The following MEGF6 variants were observed in gnomAD, a reference collection of about 807,000 sequenced individuals.
MEGF6 encodes the protein multiple epidermal growth factor-like domains protein 6.
Under a neutral mutation model 207.1 loss-of-function variants are expected in MEGF6, and 184 were observed. That is an observed-to-expected ratio of 0.89 (90% CI 0.79 to 1.00). The LOEUF is 1.00. Ranked by LOEUF, MEGF6 falls within the 50% of genes least tolerant of loss-of-function variation. MEGF6 has a pLI of 0.00. For missense variants in MEGF6, 2,282 were observed against 2,202.9 expected, an observed-to-expected ratio of 1.04 and a Z score of -0.72; for synonymous variants, 1,038 against 910.0, an observed-to-expected ratio of 1.14 and a Z score of -2.53.
At chr1:3,611,934 C>T (rs976212889), upstream of MEGF6, among the ~76,000 whole-genome samples, 4 of 152,140 alleles carry the variant, frequency 2.6e-5, no homozygotes, top group Admixed American at 2.6e-4. Context: ...TCCCGGACCC[C>T]AGACCTCGAT....
At chr1:3,563,126 C>G (rs140027435) in intron 4 of MEGF6, among the ~76,000 whole-genome samples, 3 of 152,180 alleles carry the variant, frequency 2.0e-5, no homozygotes, top group South Asian at 2.1e-4. Flanking sequence ...GCCCCTGCCC[C>G]CTGTGTGCAA....
chr1:3,493,086 C>G (rs1454189283), intron 34 of MEGF6: 1 of 398,726 alleles, frequency 2.5e-6, no homozygotes, highest in Non-Finnish European at 4.6e-6. Context: ...GGGATGCCCC[C>G]TCAGGGCACA....
At chr1:3,602,886 A>T (rs1644183672) in intron 1 of MEGF6, among the ~76,000 whole-genome samples, 1 of 152,152 alleles carries the variant, frequency 6.6e-6, no homozygotes, top group South Asian at 2.1e-4. Flanking sequence ...GCCACCAACG[A>T]CGCTGCCTCA....
Position 3,526,730 on chromosome 1 carries a change from C to T in MEGF6, c.482-2484G>A, listed in dbSNP as rs183503941. Reference sequence around the variant, plus strand: ...ACACCTTTTATCCGACAACCTCACCCACCCTGCAGCCGGGTTCACAGATCT... The same window carrying T: ...ACACCTTTTATCCGACAACCTCACCTACCCTGCAGCCGGGTTCACAGATCT... On this transcript the variant is annotated intron_variant, in intron 4 of 36. Transcript: ENST00000356575. Among the ~76,000 whole-genome samples, 35 of 152,290 alleles carry T rather than the reference C, an allele frequency of 2.3e-4. No homozygotes were observed. In the East Asian group the frequency reaches 6.6e-3, roughly 29 times the overall value.
rs556128556 is a variant in MEGF6, at chr1:3,567,442, G to T, written c.481+12383C>A. Among the ~76,000 whole-genome samples the T allele has an allele frequency of 3.0e-3, 457 of 152,364 alleles. 19 individuals carry two copies. The South Asian group carries it at 0.092, about 31-fold the overall frequency. ...AGTGGACTGGCACTGCCAGAGGTCA[G>T]GTGGGACCTGCAGACCCTGCGTGTT... On this transcript the variant is annotated intron_variant, in intron 4 of 36. Coordinates refer to ENST00000356575, the MANE Select transcript of MEGF6 (RefSeq NM_001409.4).
intron 3 of MEGF6, among the ~76,000 whole-genome samples, chr1:3,595,019 T>G (rs1644037565): frequency 2.0e-5 from 3 of 150,200 alleles, no homozygotes; most frequent in African/African-American, 7.4e-5. Flanking sequence ...GGCTCAGGAG[T>G]CCATGAACCA....
chr1:3,560,036 A>AG lies in MEGF6; in HGVS notation c.481+19788dup, dbSNP rs1643151316. ...AAATAAAAGAAAAAAAAAAAAAAAA[A>AG]GGAAACACGATGAGCCCATCTCCTG... On this transcript the variant is annotated intron_variant, in intron 4 of 36. Transcript: ENST00000356575. The surrounding 1 kb of genome is among the most constrained non-coding windows in gnomAD (Gnocchi z 4.0). Among the ~76,000 whole-genome samples the AG allele has an allele frequency of 6.7e-6, 1 of 148,628 alleles. No individual in the cohort carries two copies. Among genetic ancestry groups the AG allele is most frequent in the Non-Finnish European group, 1.5e-5 (1 of 67,122 alleles).
Position 3,506,244 on chromosome 1 carries a change from C to T in MEGF6, c.1790-8G>A, listed in dbSNP as rs774959133. On this transcript the variant is annotated splice_polypyrimidine_tract_variant and splice_region_variant and intron_variant, in intron 14 of 36. Coordinates refer to ENST00000356575, the MANE Select transcript of MEGF6 (RefSeq NM_001409.4). ...AGTAGCCCTTGGGGCAGCCTGGGGG[C>T]AGCGGGGCTCCATGTGAACCTTGGT... is the stretch of plus-strand genomic sequence containing the variant. The T allele has an allele frequency of 6.2e-7, 1 of 1,607,822 alleles. No individual in the cohort carries two copies. The highest frequency in any genetic ancestry group is 8.5e-7 in the Non-Finnish European group (1 of 1,177,936).
At chr1:3,508,043 G>C in intron 13 of MEGF6, 120 bp from the exon 14 acceptor site, 1 of 1,113,804 alleles carries the variant, frequency 9.0e-7, no homozygotes, top group East Asian at 2.6e-5. Flanking sequence ...GATGGCACTT[G>C]TACCACATCA....
chr1:3,547,919 G>A (rs1261803233), intron 4 of MEGF6, among the ~76,000 whole-genome samples: 1 of 152,222 alleles, frequency 6.6e-6, no homozygotes, highest in African/African-American at 2.4e-5. Flanking sequence ...AGGGAATCAA[G>A]TGACCTGCCT....
intron 26 of MEGF6, 37 bp downstream of exon 26, chr1:3,498,334 G>A (rs2100892209): frequency 3.2e-6 from 5 of 1,577,770 alleles, no homozygotes; most frequent in Non-Finnish European, 4.3e-6. Flanking sequence ...CTTCCCAGCA[G>A]GGCCTGCAGA....
At chr1:3,580,318 G>A (rs1643763316) in intron 3 of MEGF6, among the ~76,000 whole-genome samples, 1 of 152,166 alleles carries the variant, frequency 6.6e-6, no homozygotes, top group Admixed American at 6.5e-5. Context: ...ACAGCTGCAA[G>A]GGCCGGCTGA....
intron 5 of MEGF6, among the ~76,000 whole-genome samples, chr1:3,515,804 C>T (rs762571355): frequency 6.6e-6 from 1 of 152,234 alleles, no homozygotes; most frequent in Non-Finnish European, 1.5e-5. Flanking sequence ...GAGGGCTGGA[C>T]ACAGAAGGGG....
chr1:3,494,804 A>T, intron 30 of MEGF6, 63 bp from the exon 31 acceptor site: 1 of 1,475,128 alleles, frequency 6.8e-7, no homozygotes, highest in Non-Finnish European at 9.0e-7. Flanking sequence ...CTCTGGGGAT[A>T]TGTCCCCACA....
At chr1:3,567,257 C>T (rs939208762) in intron 4 of MEGF6, among the ~76,000 whole-genome samples, 6 of 152,208 alleles carry the variant, frequency 3.9e-5, no homozygotes, top group African/African-American at 1.4e-4. Flanking sequence ...GGCCTGGACA[C>T]GCTTCCTCCC....
intron 13 of MEGF6, 46 bp downstream of exon 13, chr1:3,508,512 C>T (rs1016918995): frequency 3.0e-5 from 47 of 1,591,982 alleles, no homozygotes; most frequent in Non-Finnish European, 3.3e-5. Flanking sequence ...GGTCTTGGGG[C>T]TCAGAGGCCC....
At chr1:3,552,311 G>A (rs1314815375) in intron 4 of MEGF6, among the ~76,000 whole-genome samples, 1 of 152,208 alleles carries the variant, frequency 6.6e-6, no homozygotes, top group African/African-American at 2.4e-5. Context: ...AGGTGTCCAG[G>A]CCCCCACAGG....
intron 4 of MEGF6, among the ~76,000 whole-genome samples, chr1:3,571,547 C>T (rs1457022928): frequency 1.3e-5 from 2 of 151,950 alleles, no homozygotes; most frequent in Non-Finnish European, 2.9e-5. Context: ...ACACTGAGTC[C>T]TCCCCAAGGG....
chr1:3,620,742 G>A, the MEGF6 span, among the ~76,000 whole-genome samples: 1 of 152,224 alleles, frequency 6.6e-6, no homozygotes, highest in Admixed American at 6.5e-5. Flanking sequence ...AGAGATAGAA[G>A]AAAAGACAGC....
Sources: gnomAD v4.1 joint callset for allele counts (sites outside exome capture counted in the v4.1 genomes callset) on GRCh38, gnomAD v4.1.1 for gene constraint, Gnocchi (gnomAD v3.1) non-coding constraint, MANE v1.5 for transcripts, NCBI Gene and HGNC (gene_info 2026-07-23, HGNC 2026-07-21) for gene names.